LRRC37A2: variants seen among roughly 807,000 people sequenced by gnomAD.
LRRC37A2 encodes leucine rich repeat containing 37 member A2, also known as leucine-rich repeat-containing protein 37A2.
Under a neutral mutation model 68.8 loss-of-function variants are expected in LRRC37A2, and 9 were observed. The ratio of observed to expected loss-of-function variants is 0.13; its 90% CI spans 0.08 to 0.23. LRRC37A2 has a LOEUF of 0.23. Ranked by LOEUF, LRRC37A2 falls within the 10% of genes least tolerant of loss-of-function variation. The probability of loss-of-function intolerance (pLI) is 1.00; values close to 1 mark genes in which losing one functional copy is unlikely to be tolerated. For synonymous variants in LRRC37A2, 63 were observed against 367.6 expected (o/e 0.17, Z 9.48); for missense variants, 168 against 950.4 (o/e 0.18, Z 10.82).
chr17:47,029,940 G>A, the LRRC37A2 span, among the ~76,000 whole-genome samples: 1 of 151,732 alleles, frequency 6.6e-6, no homozygotes, highest in Admixed American at 6.6e-5. Flanking sequence ...GCAGGCAACT[G>A]TAATCCTAAG....
the LRRC37A2 span, among the ~76,000 whole-genome samples, chr17:46,750,447 T>A: frequency 2.0e-5 from 3 of 152,216 alleles, no homozygotes; most frequent in African/African-American, 7.2e-5. Flanking sequence ...GTCTCTAATC[T>A]GGAAATCTGA....
chr17:47,019,966 G>C, the LRRC37A2 span, among the ~76,000 whole-genome samples: 4 of 149,448 alleles, frequency 2.7e-5, no homozygotes, highest in Non-Finnish European at 1.5e-5. Flanking sequence ...CTCCTTTAAT[G>C]TTAGGCCCCT....
At chr17:46,973,247 C>T in the LRRC37A2 span, 1 of 153,548 alleles carries the variant, frequency 6.5e-6, no homozygotes, top group Non-Finnish European at 1.5e-5. Context: ...CATTATCTAA[C>T]CACACAACCA....
chr17:46,956,780 C>T, the LRRC37A2 span, among the ~76,000 whole-genome samples: 1 of 152,168 alleles, frequency 6.6e-6, no homozygotes, highest in Admixed American at 6.5e-5. Flanking sequence ...GAGAGGATAC[C>T]ACCATCTGCT....
chr17:46,490,582 G>A, the LRRC37A2 span, among the ~76,000 whole-genome samples: 1 of 150,362 alleles, frequency 6.7e-6, no homozygotes, highest in Non-Finnish European at 1.5e-5. Flanking sequence ...AAATTAGCCG[G>A]GCGTGGTGGT....
At chr17:46,890,295 G>A in the LRRC37A2 span, among the ~76,000 whole-genome samples, 1 of 152,206 alleles carries the variant, frequency 6.6e-6, no homozygotes, top group African/African-American at 2.4e-5. Context: ...CGAGGGACAA[G>A]GGCCATCCAG....
the LRRC37A2 span, among the ~76,000 whole-genome samples, chr17:46,928,822 A>G: frequency 1.3e-5 from 2 of 151,958 alleles, no homozygotes; most frequent in African/African-American, 4.8e-5. Flanking sequence ...ATTTTCTTCT[A>G]TCTTCCTTCA....
the LRRC37A2 span, among the ~76,000 whole-genome samples, chr17:46,874,318 CATG>C: frequency 6.6e-6 from 1 of 152,192 alleles, no homozygotes; most frequent in African/African-American, 2.4e-5. Flanking sequence ...TGAGAACCAT[CATG>C]TGTCATAGGA....
the LRRC37A2 span, chr17:46,851,634 GC>G: frequency 7.9e-7 from 1 of 1,271,622 alleles, no homozygotes; most frequent in Non-Finnish European, 9.9e-7. This position sits in a 1 kb window ranked among gnomAD's most constrained non-coding sequence, Gnocchi z 4.3. Flanking sequence ...AGCGCCGCCA[GC>G]ACCATGCGCC....
At chr17:46,816,119 A>ACACACG in the LRRC37A2 span, among the ~76,000 whole-genome samples, 1 of 150,552 alleles carries the variant, frequency 6.6e-6, no homozygotes, top group Non-Finnish European at 1.5e-5. Context: ...ACGTACACAC[A>ACACACG]CACACACACA....
chr17:47,022,144 C>A, the LRRC37A2 span, among the ~76,000 whole-genome samples: 1 of 120,332 alleles, frequency 8.3e-6, no homozygotes. Context: ...ACAAATAATA[C>A]ATGGTTATAT....
chr17:46,995,277 T>C, the LRRC37A2 span, among the ~76,000 whole-genome samples: 1 of 152,166 alleles, frequency 6.6e-6, no homozygotes, highest in African/African-American at 2.4e-5. Flanking sequence ...GGGGTATAAA[T>C]GGCTACAGCC....
At chr17:46,791,885 GA>G in the LRRC37A2 span, among the ~76,000 whole-genome samples, 1 of 152,190 alleles carries the variant, frequency 6.6e-6, no homozygotes, top group African/African-American at 2.4e-5. Flanking sequence ...ACAAAACACA[GA>G]AAAATTAGCT....
At chr17:46,994,911 C>A in the LRRC37A2 span, among the ~76,000 whole-genome samples, 1 of 152,100 alleles carries the variant, frequency 6.6e-6, no homozygotes, top group Non-Finnish European at 1.5e-5. Flanking sequence ...TGCTTGAGTC[C>A]AAGAGTTTGA....
chr17:46,966,565 A>G, the LRRC37A2 span: 4 of 695,504 alleles, frequency 5.8e-6, no homozygotes, highest in Non-Finnish European at 1.0e-5. Flanking sequence ...CCCAGAATGG[A>G]CCCGAACTCC....
chr17:46,533,525 A>G (rs1469180000), intron 6 of LRRC37A2, among the ~76,000 whole-genome samples: 1 of 140,084 alleles, frequency 7.1e-6, no homozygotes. Flanking sequence ...ATTTTGGGAC[A>G]GAGTCTCACT....
At chr17:47,027,469 C>T in the LRRC37A2 span, 89,902 of 693,492 alleles carry the variant, frequency 0.13, 6,388 homozygotes, top group South Asian at 0.2. Flanking sequence ...AAATGTGTAT[C>T]CAATATTATT....
the LRRC37A2 span, among the ~76,000 whole-genome samples, chr17:46,798,264 TA>T: frequency 6.6e-6 from 1 of 151,944 alleles, no homozygotes; most frequent in Non-Finnish European, 1.5e-5. Flanking sequence ...AATAAATAGG[TA>T]AAATTCAGGA....
chr17:46,530,058 GGT>G (rs887583523), intron 6 of LRRC37A2, among the ~76,000 whole-genome samples: 3 of 148,226 alleles, frequency 2.0e-5, no homozygotes, highest in African/African-American at 7.5e-5. Flanking sequence ...CATTATTTTT[GGT>G]GTTTAGAAAA....
Sources: allele counts gnomAD v4.1 joint callset (sites outside exome capture counted in the v4.1 genomes callset), GRCh38; gene constraint gnomAD v4.1.1; non-coding constraint Gnocchi (gnomAD v3.1); transcripts MANE v1.5; gene names NCBI Gene and HGNC (gene_info 2026-07-23, HGNC 2026-07-21).